SCRG1: variants seen among roughly 807,000 people sequenced by gnomAD.
SCRG1 encodes stimulator of chondrogenesis 1, also known as scrapie-responsive protein 1.
In SCRG1, 3 loss-of-function variants were observed where a neutral mutation model predicts 7.7. That is an observed-to-expected ratio of 0.39 (90% CI 0.18 to 1.01). The LOEUF (loss-of-function observed/expected upper bound fraction) is 1.01. SCRG1 is among the 50% of genes least tolerant of loss of function. The probability of loss-of-function intolerance (pLI) is 0.36; values close to 1 mark genes in which losing one functional copy is unlikely to be tolerated. For synonymous variants in SCRG1, 46 were observed against 41.2 expected (o/e 1.12, Z -0.44); for missense variants, 110 against 117.2 (o/e 0.94, Z 0.28).
upstream of SCRG1, among the ~76,000 whole-genome samples, chr4:173,409,790 T>C (rs937358290): frequency 2.6e-5 from 4 of 152,070 alleles, no homozygotes; most frequent in Admixed American, 2.6e-4. Context: ...GGTTTCACCA[T>C]GTTGCCCAGG....
At chr4:173,459,908 A>C in the SCRG1 span, among the ~76,000 whole-genome samples, 14 of 152,168 alleles carry the variant, frequency 9.2e-5, no homozygotes, top group Admixed American at 2.6e-4. Flanking sequence ...TCCAACACAA[A>C]AAAAAAATAC....
chr4:173,453,049 TAGTCACAG>T, the SCRG1 span, among the ~76,000 whole-genome samples: 5 of 152,280 alleles, frequency 3.3e-5, no homozygotes, highest in African/African-American at 1.2e-4. Flanking sequence ...GCCATAGCAA[TAGTCACAG>T]TACCAGCTTT....
chr4:173,428,244 T>A, the SCRG1 span, among the ~76,000 whole-genome samples: 1 of 152,232 alleles, frequency 6.6e-6, no homozygotes, highest in Non-Finnish European at 1.5e-5. Context: ...AACAATATAA[T>A]TCATGTCAGA....
upstream of SCRG1, among the ~76,000 whole-genome samples, chr4:173,408,991 C>CAAAAAAAAAAAAAAAAAAAAAAAAAAAA (rs991902394): frequency 3.9e-5 from 2 of 51,254 alleles, no homozygotes; most frequent in Non-Finnish European, 9.0e-5. Context: ...GACTCAGTCT[C>CAAAAAAAAAAAAAAAAAAAAAAAAAAAA]AAAAAAAAAA....
the SCRG1 span, among the ~76,000 whole-genome samples, chr4:173,415,653 G>A: frequency 6.6e-6 from 1 of 152,188 alleles, no homozygotes; most frequent in African/African-American, 2.4e-5. Flanking sequence ...TGTGACATTG[G>A]TATTACAGGT....
the SCRG1 span, among the ~76,000 whole-genome samples, chr4:173,426,530 G>A: frequency 2.3e-4 from 35 of 152,258 alleles, no homozygotes; most frequent in Non-Finnish European, 4.0e-4. Flanking sequence ...GCAGTGGCAC[G>A]ATCATGGCTC....
the SCRG1 span, chr4:173,468,322 G>C: frequency 2.0e-5 from 3 of 152,146 alleles, no homozygotes; most frequent in Admixed American, 2.0e-4. Context: ...GTATATTGTA[G>C]CCTAGGCTAC....
At chr4:173,464,099 G>C in the SCRG1 span, among the ~76,000 whole-genome samples, 2 of 148,530 alleles carry the variant, frequency 1.3e-5, no homozygotes, top group South Asian at 4.3e-4. Flanking sequence ...GGAGAATGGG[G>C]CTTCTAAAAG....
At chr4:173,504,333 G>T in the SCRG1 span, among the ~76,000 whole-genome samples, 1,811 of 152,272 alleles carry the variant, frequency 0.012, 27 homozygotes, top group Non-Finnish European at 0.019. The surrounding 1 kb of genome is among the most constrained non-coding windows in gnomAD (Gnocchi z 4.7). Flanking sequence ...GCCGTATGGG[G>T]GAGGACCTAT....
the SCRG1 span, among the ~76,000 whole-genome samples, chr4:173,483,228 T>TATATATAATATATGATATATCATATATG: frequency 8.6e-5 from 7 of 81,528 alleles, no homozygotes; most frequent in African/African-American, 3.6e-4. Flanking sequence ...ATATATATAT[T>TATATATAATATATGATATATCATATATG]ATATATAATA....
the SCRG1 span, among the ~76,000 whole-genome samples, chr4:173,476,363 A>AAAAAAAAAATATAT: frequency 1.0e-5 from 1 of 98,484 alleles, no homozygotes; most frequent in Non-Finnish European, 2.3e-5. Context: ...GGAAAAAAAA[A>AAAAAAAAAATATAT]ATATATATAT....
the SCRG1 span, among the ~76,000 whole-genome samples, chr4:173,421,946 C>T: frequency 6.6e-6 from 1 of 152,102 alleles, no homozygotes; most frequent in South Asian, 2.1e-4. Context: ...GGCTGTCAGA[C>T]ACATAATATA....
At chr4:173,508,661 A>T in the SCRG1 span, among the ~76,000 whole-genome samples, 4 of 152,092 alleles carry the variant, frequency 2.6e-5, no homozygotes, top group Non-Finnish European at 4.4e-5. The surrounding 1 kb of genome is among the most constrained non-coding windows in gnomAD (Gnocchi z 4.4). Flanking sequence ...CTGCCGCCCG[A>T]ATCTCCCCAA....
chr4:173,444,225 C>T, the SCRG1 span, among the ~76,000 whole-genome samples: 3 of 152,144 alleles, frequency 2.0e-5, no homozygotes, highest in South Asian at 2.1e-4. Context: ...TCACCCGCCT[C>T]GGCCTCCCAA....
At chr4:173,439,897 G>A in the SCRG1 span, among the ~76,000 whole-genome samples, 34 of 152,266 alleles carry the variant, frequency 2.2e-4, no homozygotes, top group Admixed American at 8.5e-4. Context: ...CTGTCTTCAT[G>A]GAAATTATTT....
At chr4:173,485,089 T>TATATA in the SCRG1 span, among the ~76,000 whole-genome samples, 31 of 4,742 alleles carry the variant, frequency 6.5e-3, 6 homozygotes, top group African/African-American at 0.019. Flanking sequence ...TATAATATAT[T>TATATA]ATATATTATA....
At chr4:173,513,039 T>C in the SCRG1 span, among the ~76,000 whole-genome samples, 1,093 of 152,296 alleles carry the variant, frequency 7.2e-3, 10 homozygotes, top group African/African-American at 0.023. Context: ...ATATGAACCA[T>C]CTATGGACTA....
chr4:173,513,967 A>G, the SCRG1 span, among the ~76,000 whole-genome samples: 2 of 152,216 alleles, frequency 1.3e-5, no homozygotes, highest in African/African-American at 4.8e-5. Flanking sequence ...TTCATGAAAA[A>G]TTAACCTGAG....
At chr4:173,514,813 A>C in the SCRG1 span, among the ~76,000 whole-genome samples, 1 of 152,248 alleles carries the variant, frequency 6.6e-6, no homozygotes, top group African/African-American at 2.4e-5. Context: ...GTCCCAGCTA[A>C]TAAACAACTT....
Sources: gnomAD v4.1 joint callset for allele counts (sites outside exome capture counted in the v4.1 genomes callset) on GRCh38, gnomAD v4.1.1 for gene constraint, Gnocchi (gnomAD v3.1) non-coding constraint, MANE v1.5 for transcripts, NCBI Gene and HGNC (gene_info 2026-07-23, HGNC 2026-07-21) for gene names.